GALNT13: variants seen among roughly 807,000 people sequenced by gnomAD.
GALNT13 encodes UDP-GalNAc:polypeptide N-acetylgalactosaminyltransferase 13.
GALNT13 carries 28 observed loss-of-function variants against 64.2 expected under a neutral mutation model. The ratio of observed to expected loss-of-function variants is 0.44; its 90% confidence interval spans 0.32 to 0.60. The LOEUF is 0.60. Ranked by LOEUF, GALNT13 falls within the 20% of genes least tolerant of loss-of-function variation. The pLI is 0.05. For missense variants in GALNT13, 577 were observed against 669.8 expected (o/e 0.86, Z 1.53); for synonymous variants, 214 against 224.6 (o/e 0.95, Z 0.42).
the GALNT13 span, among the ~76,000 whole-genome samples, chr2:153,291,162 T>C: frequency 6.6e-6 from 1 of 152,212 alleles, no homozygotes; most frequent in African/African-American, 2.4e-5. Context: ...TGATTGTTAA[T>C]CAGATATTTT....
At chr2:153,461,604 C>T in the GALNT13 span, among the ~76,000 whole-genome samples, 91 of 152,128 alleles carry the variant, frequency 6.0e-4, no homozygotes, top group Middle Eastern at 3.4e-3. Flanking sequence ...CACCCAGGAT[C>T]GTGCCGGAGT....
the GALNT13 span, among the ~76,000 whole-genome samples, chr2:153,184,980 A>G: frequency 9.8e-5 from 15 of 152,302 alleles, no homozygotes; most frequent in Admixed American, 2.0e-4. Flanking sequence ...GCCTCATCAA[A>G]TGAGTTAAGG....
intron 3 of GALNT13, among the ~76,000 whole-genome samples, chr2:154,014,843 G>C (rs1006885320): frequency 3.3e-5 from 5 of 151,722 alleles, no homozygotes; most frequent in African/African-American, 9.7e-5. Flanking sequence ...GTGTTAGCCA[G>C]GATGGTCTCG....
chr2:153,417,324 A>C, the GALNT13 span, among the ~76,000 whole-genome samples: 1 of 152,208 alleles, frequency 6.6e-6, no homozygotes, highest in Non-Finnish European at 1.5e-5. Flanking sequence ...TTGCAGGCCC[A>C]GTCAATTTTC....
intron 3 of GALNT13, among the ~76,000 whole-genome samples, chr2:153,985,723 C>T (rs1011850015): frequency 6.6e-6 from 1 of 151,998 alleles, no homozygotes; most frequent in African/African-American, 2.4e-5. Flanking sequence ...CTGACCCCAA[C>T]CACTGCTTGA....
the GALNT13 span, among the ~76,000 whole-genome samples, chr2:153,402,084 T>C: frequency 4.1e-5 from 6 of 146,524 alleles, no homozygotes; most frequent in African/African-American, 1.1e-4. Context: ...CCTTTCCATA[T>C]TTAGCGCTTC....
At chr2:153,531,688 G>C in the GALNT13 span, among the ~76,000 whole-genome samples, 1 of 152,128 alleles carries the variant, frequency 6.6e-6, no homozygotes, top group Non-Finnish European at 1.5e-5. Context: ...TTTTGCCTAT[G>C]AGCCTGTAAA....
the GALNT13 span, among the ~76,000 whole-genome samples, chr2:153,610,734 A>G: frequency 4.6e-5 from 7 of 152,156 alleles, no homozygotes; most frequent in Non-Finnish European, 1.0e-4. Context: ...TAGGCTGTAT[A>G]TAATAAATGT....
chr2:153,511,881 T>C, the GALNT13 span, among the ~76,000 whole-genome samples: 57 of 152,304 alleles, frequency 3.7e-4, 1 homozygote, highest in African/African-American at 1.3e-3. Context: ...AAATAAATTA[T>C]ATCCCAATGG....
At chr2:153,592,442 C>T in the GALNT13 span, among the ~76,000 whole-genome samples, 1 of 152,084 alleles carries the variant, frequency 6.6e-6, no homozygotes, top group Non-Finnish European at 1.5e-5. Flanking sequence ...ATGAAATCAA[C>T]CTAAGTGTCT....
intron 9 of GALNT13, among the ~76,000 whole-genome samples, chr2:154,351,472 A>ATTGAGGC (rs1696397612): frequency 6.6e-6 from 1 of 151,922 alleles, no homozygotes. Context: ...TCACGAGGTC[A>ATTGAGGC]GGAGATTGAG....
the GALNT13 span, among the ~76,000 whole-genome samples, chr2:153,164,338 A>G: frequency 3.9e-5 from 6 of 152,198 alleles, no homozygotes; most frequent in African/African-American, 1.4e-4. Flanking sequence ...ACGAGTGAGA[A>G]CATCTCATGT....
At chr2:153,126,509 G>A in the GALNT13 span, among the ~76,000 whole-genome samples, 27 of 151,922 alleles carry the variant, frequency 1.8e-4, no homozygotes, top group African/African-American at 5.1e-4. Flanking sequence ...TGTGCCTAAG[G>A]TCACAGTGAT....
intron 8 of GALNT13, among the ~76,000 whole-genome samples, chr2:154,288,104 T>C (rs1692380502): frequency 6.6e-6 from 1 of 152,130 alleles, no homozygotes; most frequent in African/African-American, 2.4e-5. Flanking sequence ...TGGGGAGGCC[T>C]CACAATCATG....
At chr2:153,972,855 T>A (rs1349209008) in intron 3 of GALNT13, among the ~76,000 whole-genome samples, 2 of 152,026 alleles carry the variant, frequency 1.3e-5, no homozygotes, top group Non-Finnish European at 2.9e-5. Context: ...GTGGCCTCAC[T>A]GATAGAATTT....
At chr2:154,094,659 G>A (rs1023468599) in intron 3 of GALNT13, among the ~76,000 whole-genome samples, 1 of 151,422 alleles carries the variant, frequency 6.6e-6, no homozygotes, top group Non-Finnish European at 1.5e-5. Context: ...ATTTAATTTA[G>A]CACTGAGTAG....
At chr2:153,332,471 T>C in the GALNT13 span, among the ~76,000 whole-genome samples, 13 of 152,300 alleles carry the variant, frequency 8.5e-5, no homozygotes, top group African/African-American at 3.1e-4. Context: ...GTGTAATTGC[T>C]TGTTTATGGG....
chr2:154,274,953 G>T (rs2105928779), intron 8 of GALNT13, among the ~76,000 whole-genome samples: 2 of 152,216 alleles, frequency 1.3e-5, no homozygotes, highest in South Asian at 4.2e-4. Context: ...GGCTGAGGTG[G>T]TCTCAGAGAT....
chr2:154,355,482 A>G (rs1696687497), intron 9 of GALNT13, among the ~76,000 whole-genome samples: 1 of 152,182 alleles, frequency 6.6e-6, no homozygotes, highest in Non-Finnish European at 1.5e-5. Context: ...TCATTCTGAT[A>G]TTGTATTTGC....
Sources: allele counts gnomAD v4.1 joint callset (sites outside exome capture counted in the v4.1 genomes callset), GRCh38; gene constraint gnomAD v4.1.1; transcripts MANE v1.5; gene names NCBI Gene and HGNC (gene_info 2026-07-23, HGNC 2026-07-21).